CADM2: variants seen among roughly 807,000 people sequenced by gnomAD.
CADM2 encodes the protein cell adhesion molecule 2, also known as immunoglobulin superfamily member 4D.
In CADM2, 12 loss-of-function variants were observed where a neutral mutation model predicts 49.8. The observed-to-expected ratio is 0.24, with a 90% CI of 0.15 to 0.39. CADM2 has a LOEUF of 0.39. Among genes scored for constraint, CADM2 ranks in the 10% least tolerant of loss-of-function variants. The pLI is 1.00. For synonymous variants in CADM2, 214 were observed against 175.4 expected (o/e 1.22, Z -1.74); for missense variants, 378 against 492.3 (o/e 0.77, Z 2.20).
intron 1 of CADM2, among the ~76,000 whole-genome samples, chr3:85,262,978 TTTTCTTTC>T (rs112172844): frequency 6.6e-6 from 1 of 150,934 alleles, no homozygotes; most frequent in South Asian, 2.1e-4. Flanking sequence ...GTATTTATCT[TTTTCTTTC>T]TTTCTTTCTT....
chr3:85,931,324 A>C (rs923405799), intron 6 of CADM2, among the ~76,000 whole-genome samples: 3 of 152,138 alleles, frequency 2.0e-5, no homozygotes, highest in African/African-American at 7.2e-5. Flanking sequence ...CTGTGGTCCC[A>C]GCTACTTACT....
chr3:85,998,078 TAA>T (rs1729652198), intron 8 of CADM2, among the ~76,000 whole-genome samples: 1 of 152,056 alleles, frequency 6.6e-6, no homozygotes, highest in African/African-American at 2.4e-5. Flanking sequence ...AGAGGGTATT[TAA>T]GAGAGGATTT....
chr3:86,010,680 A>G (rs1052093675), intron 8 of CADM2, among the ~76,000 whole-genome samples: 5 of 151,350 alleles, frequency 3.3e-5, no homozygotes, highest in African/African-American at 9.7e-5. Context: ...ATAATGAAAA[A>G]TTTAAAAATA....
At chr3:85,914,066 A>T (rs1717968749) in intron 6 of CADM2, among the ~76,000 whole-genome samples, 2 of 152,288 alleles carry the variant, frequency 1.3e-5, no homozygotes, top group South Asian at 4.1e-4. Flanking sequence ...TATAAAGCTG[A>T]CTATAATATG....
chr3:85,637,353 A>T (rs1424989601), intron 1 of CADM2, among the ~76,000 whole-genome samples: 1 of 151,836 alleles, frequency 6.6e-6, no homozygotes, highest in Non-Finnish European at 1.5e-5. Context: ...CTGTAATCCC[A>T]GCACTTTGGG....
chr3:85,523,476 C>A (rs950103234), intron 1 of CADM2, among the ~76,000 whole-genome samples: 1 of 152,024 alleles, frequency 6.6e-6, no homozygotes, highest in African/African-American at 2.4e-5. Flanking sequence ...ATATGTTAAA[C>A]AATCAAAGTG....
At chr3:85,924,662 A>T in intron 6 of CADM2, among the ~76,000 whole-genome samples, 1 of 152,122 alleles carries the variant, frequency 6.6e-6, no homozygotes, top group East Asian at 1.9e-4. Context: ...TGCATTTATT[A>T]TCTGTATTTT....
intron 1 of CADM2, among the ~76,000 whole-genome samples, chr3:85,037,882 G>T (rs2035285117): frequency 6.6e-6 from 1 of 151,022 alleles, no homozygotes; most frequent in Admixed American, 6.6e-5. Flanking sequence ...ATACTTTCTT[G>T]CTTTAACTTT....
chr3:85,847,087 G>A (rs1003886758), intron 3 of CADM2, among the ~76,000 whole-genome samples: 2 of 152,130 alleles, frequency 1.3e-5, no homozygotes, highest in African/African-American at 4.8e-5. Context: ...GGGAACTACT[G>A]ATGTAATTTA....
chr3:86,043,048 C>T (rs1224754766), intron 8 of CADM2, among the ~76,000 whole-genome samples: 1 of 152,076 alleles, frequency 6.6e-6, no homozygotes, highest in Non-Finnish European at 1.5e-5. Context: ...GCTAAAAACT[C>T]GCAATAAATT....
chr3:85,569,883 A>C (rs1347624047), intron 1 of CADM2, among the ~76,000 whole-genome samples: 3 of 152,144 alleles, frequency 2.0e-5, no homozygotes, highest in Non-Finnish European at 2.9e-5. Flanking sequence ...TACATTATTC[A>C]GTATTTGTAT....
chr3:85,064,727 C>T (rs1355991024), intron 1 of CADM2, among the ~76,000 whole-genome samples: 1 of 152,080 alleles, frequency 6.6e-6, no homozygotes, highest in African/African-American at 2.4e-5. Context: ...TAGTTCATTG[C>T]TCAGGCTAGA....
chr3:85,091,748 T>G (rs1285306876), intron 1 of CADM2, among the ~76,000 whole-genome samples: 3 of 152,120 alleles, frequency 2.0e-5, no homozygotes, highest in Non-Finnish European at 4.4e-5. Context: ...TGTTCAAATA[T>G]AAATCTGAAA....
At chr3:85,807,884 T>C (rs1664172260) in intron 3 of CADM2, among the ~76,000 whole-genome samples, 1 of 152,096 alleles carries the variant, frequency 6.6e-6, no homozygotes, top group African/African-American at 2.4e-5. Context: ...AAATATTCAA[T>C]AAATGATTTT....
At chr3:85,026,994 CAT>C (rs1444517491) in intron 1 of CADM2, among the ~76,000 whole-genome samples, 3 of 151,444 alleles carry the variant, frequency 2.0e-5, no homozygotes, top group Non-Finnish European at 4.4e-5. Flanking sequence ...TTTTTCACGA[CAT>C]GTCTTTCTCT....
At chr3:85,320,152 C>T (rs1053007231) in intron 1 of CADM2, among the ~76,000 whole-genome samples, 35 of 152,158 alleles carry the variant, frequency 2.3e-4, no homozygotes, top group Admixed American at 1.5e-3. Flanking sequence ...AATTGAGGAC[C>T]AGGGTGCTAC....
chr3:85,095,379 C>T (rs2037755248), intron 1 of CADM2, among the ~76,000 whole-genome samples: 1 of 152,126 alleles, frequency 6.6e-6, no homozygotes, highest in Non-Finnish European at 1.5e-5. Context: ...TCTAGGCTGA[C>T]TCAGATGGGT....
intron 1 of CADM2, among the ~76,000 whole-genome samples, chr3:85,436,447 T>C (rs919193917): frequency 2.6e-5 from 4 of 152,116 alleles, no homozygotes; most frequent in Admixed American, 6.6e-5. Context: ...TGAAATACTC[T>C]GTTGAATAGG....
intron 1 of CADM2, among the ~76,000 whole-genome samples, chr3:85,560,039 T>A (rs1477880734): frequency 6.6e-6 from 1 of 152,170 alleles, no homozygotes; most frequent in East Asian, 1.9e-4. Context: ...ATTTCAAGAA[T>A]TAATTCGCCC....
Sources: allele counts gnomAD v4.1 joint callset (sites outside exome capture counted in the v4.1 genomes callset), GRCh38; gene constraint gnomAD v4.1.1; transcripts MANE v1.5; gene names NCBI Gene and HGNC (gene_info 2026-07-23, HGNC 2026-07-21).